Variants in PAPPA observed in about 807,000 individuals in gnomAD.
The protein encoded by PAPPA is pappalysin-1.
PAPPA carries 60 observed loss-of-function variants against 164.0 expected under a neutral mutation model. The ratio of observed to expected loss-of-function variants is 0.37; its 90% CI spans 0.30 to 0.45. The LOEUF is 0.45. Ranked by LOEUF, PAPPA falls within the 20% of genes least tolerant of loss-of-function variation. The probability of loss-of-function intolerance (pLI) is 1.00; values close to 1 mark genes in which losing one functional copy is unlikely to be tolerated. For synonymous variants in PAPPA, 875 were observed against 814.1 expected (o/e 1.07, Z -1.27); for missense variants, 1,782 against 2,087.3 (o/e 0.85, Z 2.85).
At chr9:116,220,922 C>T (rs975894491) in intron 5 of PAPPA, among the ~76,000 whole-genome samples, 5 of 149,886 alleles carry the variant, frequency 3.3e-5, no homozygotes, top group African/African-American at 1.2e-4. Context: ...ACATATATGA[C>T]ATATAAACAT....
intron 7 of PAPPA, among the ~76,000 whole-genome samples, chr9:116,248,787 A>G (rs756212608): frequency 2.0e-5 from 3 of 152,212 alleles, no homozygotes; most frequent in African/African-American, 4.8e-5. Context: ...AGATAAATAA[A>G]TGCATGCATG....
chr9:116,181,964 A>G (rs1348148675), intron 1 of PAPPA, among the ~76,000 whole-genome samples: 1 of 152,248 alleles, frequency 6.6e-6, no homozygotes, highest in Non-Finnish European at 1.5e-5. Flanking sequence ...GGGGTGCTGC[A>G]GAACTTACAG....
chr9:116,163,454 G>T (rs1343083889), intron 1 of PAPPA, among the ~76,000 whole-genome samples: 1 of 152,164 alleles, frequency 6.6e-6, no homozygotes, highest in African/African-American at 2.4e-5. Flanking sequence ...GGAGATGTCA[G>T]TTCTAGCACT....
intron 8 of PAPPA, among the ~76,000 whole-genome samples, chr9:116,267,895 A>G (rs1845089823): frequency 6.6e-6 from 1 of 151,176 alleles, no homozygotes; most frequent in Non-Finnish European, 1.5e-5. Context: ...AAAAAAAAAA[A>G]AAAAAAAAAA....
chr9:116,228,373 A>G (rs1338613743), intron 6 of PAPPA, among the ~76,000 whole-genome samples: 1 of 152,178 alleles, frequency 6.6e-6, no homozygotes, highest in Admixed American at 6.5e-5. Context: ...AGGTTAGCTC[A>G]TGCCAGCAGT....
In PAPPA at chr9:116,274,566, G is replaced by A. The variant is rs576482104; in HGVS notation, c.2953+3150G>A. Among the ~76,000 whole-genome samples the A allele has an allele frequency of 5.6e-4, 86 of 152,332 alleles. 1 individual carries two copies. The South Asian group carries it at 0.018, about 31-fold the overall frequency. On this transcript the variant is annotated intron_variant, in intron 9 of 21. Transcript: ENST00000328252. ...AGACAGTGGTCAAGATAACAGTCAG[G>A]AGATCAGGCATACCATGACTTAGAT...
chr9:116,379,157 C>G (rs537324282), intron 20 of PAPPA, among the ~76,000 whole-genome samples: 1 of 152,342 alleles, frequency 6.6e-6, no homozygotes, highest in Non-Finnish European at 1.5e-5. Context: ...AGACCCTCAC[C>G]TGTCAGACTC....
intron 9 of PAPPA, among the ~76,000 whole-genome samples, chr9:116,272,272 C>T (rs754157445): frequency 1.3e-4 from 20 of 152,134 alleles, no homozygotes; most frequent in Non-Finnish European, 2.6e-4. Context: ...ATCCCCTGGG[C>T]TGGAGGTGAA....
At chr9:116,331,780 G>C (rs916153554) in intron 11 of PAPPA, among the ~76,000 whole-genome samples, 4 of 152,150 alleles carry the variant, frequency 2.6e-5, no homozygotes, top group Non-Finnish European at 5.9e-5. Flanking sequence ...TAAGGATTGT[G>C]GATATTACTG....
chr9:116,213,387 G>A (rs1844332671), intron 4 of PAPPA, among the ~76,000 whole-genome samples: 1 of 151,992 alleles, frequency 6.6e-6, no homozygotes, highest in Non-Finnish European at 1.5e-5. Flanking sequence ...CCCACCTCTG[G>A]TACCATAAAG....
intron 10 of PAPPA, among the ~76,000 whole-genome samples, chr9:116,320,625 C>G (rs1448406786): frequency 6.6e-6 from 1 of 152,160 alleles, no homozygotes; most frequent in African/African-American, 2.4e-5. Flanking sequence ...AAGGGGAAAG[C>G]TGCTCTGGAG....
chr9:116,340,142 TTTG>T (rs1296508357), intron 13 of PAPPA, among the ~76,000 whole-genome samples: 4 of 152,156 alleles, frequency 2.6e-5, no homozygotes, highest in African/African-American at 9.7e-5. Flanking sequence ...TTTTCCTTCT[TTTG>T]TTATTTTTAT....
chr9:116,374,211 G>A (rs1166277035), intron 19 of PAPPA, among the ~76,000 whole-genome samples: 1 of 46,438 alleles, frequency 2.2e-5, no homozygotes. Flanking sequence ...TGGTGCCAAT[G>A]GTGCTGATGA....
At chr9:116,346,862 C>A (rs1188038048) in intron 14 of PAPPA, among the ~76,000 whole-genome samples, 164 bp from the exon 15 acceptor site, 1 of 152,150 alleles carries the variant, frequency 6.6e-6, no homozygotes, top group Non-Finnish European at 1.5e-5. Context: ...ATATGTAATT[C>A]ATGGAGTTAT....
chr9:116,171,928 T>C (rs150517803), intron 1 of PAPPA, among the ~76,000 whole-genome samples: 4 of 152,344 alleles, frequency 2.6e-5, no homozygotes, highest in Non-Finnish European at 5.9e-5. Context: ...GTGGATATAA[T>C]AGTCACATGA....
At chr9:116,396,025 G>C (rs1470577509) in intron 21 of PAPPA, among the ~76,000 whole-genome samples, 1 of 152,124 alleles carries the variant, frequency 6.6e-6, no homozygotes, top group Non-Finnish European at 1.5e-5. Context: ...ATTTTACTCA[G>C]CTCCTATAGT....
intron 1 of PAPPA, among the ~76,000 whole-genome samples, chr9:116,159,894 C>T (rs1316372096): frequency 6.6e-6 from 1 of 152,130 alleles, no homozygotes; most frequent in Non-Finnish European, 1.5e-5. Context: ...ACCAGGGTCA[C>T]ACAAAATTAA....
intron 10 of PAPPA, among the ~76,000 whole-genome samples, chr9:116,329,465 C>A (rs1845962622): frequency 1.3e-5 from 2 of 152,052 alleles, no homozygotes. Flanking sequence ...TGCTTCATGT[C>A]TCTTTCTGTA....
At chr9:116,353,417 T>G (rs538110109) in intron 16 of PAPPA, among the ~76,000 whole-genome samples, 1 of 152,176 alleles carries the variant, frequency 6.6e-6, no homozygotes, top group Non-Finnish European at 1.5e-5. Flanking sequence ...GCTGGAAGCA[T>G]GACATTTCTG....
Sources: gnomAD v4.1 joint callset for allele counts (sites outside exome capture counted in the v4.1 genomes callset) on GRCh38, gnomAD v4.1.1 for gene constraint, MANE v1.5 for transcripts, NCBI Gene and HGNC (gene_info 2026-07-23, HGNC 2026-07-21) for gene names.